LY6S: variants seen among roughly 807,000 people sequenced by gnomAD.
The protein encoded by LY6S is lymphocyte antigen 6 family member S.
At chr8:143,041,308 A>T in the LY6S span, among the ~76,000 whole-genome samples, 1 of 152,228 alleles carries the variant, frequency 6.6e-6, no homozygotes, top group East Asian at 1.9e-4. Flanking sequence ...TCTCTTTCTC[A>T]GGGATGTTCC....
the LY6S span, among the ~76,000 whole-genome samples, chr8:143,072,266 G>A: frequency 6.8e-6 from 1 of 147,438 alleles, no homozygotes; most frequent in East Asian, 2.0e-4. Context: ...TGAGGAGACA[G>A]CCGTCGTCCC....
At chr8:143,051,276 G>A in the LY6S span, among the ~76,000 whole-genome samples, 5 of 152,116 alleles carry the variant, frequency 3.3e-5, no homozygotes, top group African/African-American at 1.2e-4. Context: ...AGCTCAGCGT[G>A]GTGGCTGTAA....
the LY6S span, among the ~76,000 whole-genome samples, chr8:143,065,349 T>C: frequency 6.6e-6 from 1 of 152,198 alleles, no homozygotes; most frequent in Non-Finnish European, 1.5e-5. Flanking sequence ...ACCTTAGCAG[T>C]GCCTCACACC....
the LY6S span, among the ~76,000 whole-genome samples, chr8:143,043,903 G>A: frequency 6.6e-6 from 1 of 152,180 alleles, no homozygotes; most frequent in Non-Finnish European, 1.5e-5. Context: ...TCCAACTCCC[G>A]ACCTCAGGTG....
At chr8:143,062,171 C>A in the LY6S span, among the ~76,000 whole-genome samples, 1 of 151,964 alleles carries the variant, frequency 6.6e-6, no homozygotes, top group Non-Finnish European at 1.5e-5. Context: ...TGGGGAGAAA[C>A]CAAAATAATT....
At chr8:143,070,161 G>C in the LY6S span, among the ~76,000 whole-genome samples, 1 of 151,576 alleles carries the variant, frequency 6.6e-6, no homozygotes, top group African/African-American at 2.4e-5. Flanking sequence ...GTGTGTGTCT[G>C]TGTCCTCACC....
the LY6S span, among the ~76,000 whole-genome samples, chr8:143,060,177 A>G: frequency 1.3e-5 from 2 of 151,550 alleles, no homozygotes; most frequent in Non-Finnish European, 3.0e-5. Flanking sequence ...TCCTTGGTCT[A>G]GCGGTAGTGC....
chr8:143,041,199 A>G, the LY6S span, among the ~76,000 whole-genome samples: 2 of 152,200 alleles, frequency 1.3e-5, no homozygotes, highest in African/African-American at 4.8e-5. Flanking sequence ...GCCTGGGAGC[A>G]CTGCGGGAGA....
the LY6S span, among the ~76,000 whole-genome samples, chr8:143,075,458 C>T: frequency 6.6e-6 from 1 of 152,148 alleles, no homozygotes; most frequent in Non-Finnish European, 1.5e-5. The surrounding 1 kb of genome is among the most constrained non-coding windows in gnomAD (Gnocchi z 4.1). Context: ...AATCCCAGCA[C>T]CTTGGGAGGC....
At chr8:143,061,294 G>A in the LY6S span, among the ~76,000 whole-genome samples, 1 of 151,652 alleles carries the variant, frequency 6.6e-6, no homozygotes, top group Non-Finnish European at 1.5e-5. Context: ...TGAAAAGAAT[G>A]GGAAAAGATA....
At chr8:143,043,570 C>T in the LY6S span, among the ~76,000 whole-genome samples, 1 of 152,218 alleles carries the variant, frequency 6.6e-6, no homozygotes, top group African/African-American at 2.4e-5. Flanking sequence ...GCAGCCCTCA[C>T]CCTGCCCCGG....
the LY6S span, chr8:143,066,148 A>ATTTCTTTTCTTTTTTCT: frequency 8.0e-6 from 2 of 250,670 alleles, no homozygotes; most frequent in East Asian, 1.4e-4. Context: ...CCAATGATGA[A>ATTTCTTTTCTTTTTTCT]TTTCTTTTCT....
the LY6S span, among the ~76,000 whole-genome samples, chr8:143,075,800 G>A: frequency 2.0e-5 from 3 of 152,152 alleles, no homozygotes; most frequent in Non-Finnish European, 4.4e-5. This position sits in a 1 kb window ranked among gnomAD's most constrained non-coding sequence, Gnocchi z 4.1. Context: ...CAATAGTTTT[G>A]ATAGTAGTAT....
chr8:143,043,073 G>T, the LY6S span: 3 of 1,367,676 alleles, frequency 2.2e-6, no homozygotes, highest in South Asian at 2.3e-5. Context: ...AGCTGGTGAC[G>T]CACAGGGACA....
chr8:143,070,067 C>T, the LY6S span, among the ~76,000 whole-genome samples: 4 of 152,096 alleles, frequency 2.6e-5, no homozygotes, highest in African/African-American at 9.6e-5. Context: ...ATCAAGGTGT[C>T]AGCAGGGCTG....
the LY6S span, among the ~76,000 whole-genome samples, chr8:143,068,656 A>G: frequency 6.6e-6 from 1 of 152,060 alleles, no homozygotes; most frequent in Non-Finnish European, 1.5e-5. Flanking sequence ...AAGAGTCAAA[A>G]TTTTCTTGTC....
chr8:143,063,703 G>A, the LY6S span, among the ~76,000 whole-genome samples: 16 of 152,270 alleles, frequency 1.1e-4, no homozygotes, highest in South Asian at 2.5e-3. Context: ...CTTCAGTAGC[G>A]GGAAGTACAG....
At chr8:143,064,850 C>G in the LY6S span, among the ~76,000 whole-genome samples, 1 of 152,198 alleles carries the variant, frequency 6.6e-6, no homozygotes, top group Non-Finnish European at 1.5e-5. Flanking sequence ...GGATTTTCAT[C>G]ATGAAGGTGC....
the LY6S span, among the ~76,000 whole-genome samples, chr8:143,074,250 G>A: frequency 2.1e-4 from 23 of 109,958 alleles, no homozygotes; most frequent in Non-Finnish European, 3.4e-4. Context: ...CTTCTCCTGG[G>A]ATTCCAATAC....
Sources: allele counts gnomAD v4.1 joint callset (sites outside exome capture counted in the v4.1 genomes callset), GRCh38; gene constraint gnomAD v4.1.1; non-coding constraint Gnocchi (gnomAD v3.1); transcripts MANE v1.5; gene names NCBI Gene and HGNC (gene_info 2026-07-23, HGNC 2026-07-21).